SLC16A2: variants seen among roughly 807,000 people sequenced by gnomAD.
The protein encoded by SLC16A2 is monocarboxylate transporter 8.
Under a neutral mutation model 27.2 loss-of-function variants are expected in SLC16A2, and 3 were observed. The ratio of observed to expected loss-of-function variants is 0.11; its 90% CI spans 0.05 to 0.28. The LOEUF (loss-of-function observed/expected upper bound fraction) is 0.28, where lower values mean the gene tolerates loss of function less well. Among genes scored for constraint, SLC16A2 ranks in the 10% least tolerant of loss-of-function variants. The probability of loss-of-function intolerance (pLI) is 1.00; values close to 1 mark genes in which losing one functional copy is unlikely to be tolerated. For synonymous variants in SLC16A2, 202 were observed against 187.8 expected, an observed-to-expected ratio of 1.08 and a Z score of -0.62; for missense variants, 295 against 458.5, an observed-to-expected ratio of 0.64 and a Z score of 3.26.
At chrX:74,488,324 A>C (rs1929760128) in intron 1 of SLC16A2, among the ~76,000 whole-genome samples, 1 of 111,641 alleles carries the variant, frequency 9.0e-6, no homozygotes, top group Non-Finnish European at 1.9e-5. Context: ...GTAATTAATA[A>C]AAGTTATAGG....
intron 1 of SLC16A2, among the ~76,000 whole-genome samples, chrX:74,474,529 G>A (rs1489986705): frequency 7.8e-4 from 84 of 107,890 alleles, no homozygotes; most frequent in Non-Finnish European, 1.3e-3. Context: ...TGCACAACGT[G>A]CAGGTTTGTT....
Position 74,468,981 on chromosome X carries a change from A to G in SLC16A2, c.430+46914A>G. Reference sequence around the variant, plus strand: ...AACCCTTCTTTATCCCCCACTCCCCATTACCCTTCCCAGCCTCTGGTAACC... The same window carrying G: ...AACCCTTCTTTATCCCCCACTCCCCGTTACCCTTCCCAGCCTCTGGTAACC... On this transcript the variant is annotated intron_variant, in intron 1 of 5. Coordinates refer to ENST00000587091, the MANE Select transcript of SLC16A2 (RefSeq NM_006517.5). Among the ~76,000 whole-genome samples, 3 of 111,099 alleles carry G rather than the reference A, an allele frequency of 2.7e-5. 1 individual carries two copies. Among genetic ancestry groups the G allele is most frequent in the Non-Finnish European group, 5.7e-5 (3 of 52,937 alleles).
At chrX:74,480,431 T>A (rs1929591921) in intron 1 of SLC16A2, among the ~76,000 whole-genome samples, 1 of 112,802 alleles carries the variant, frequency 8.9e-6, no homozygotes, top group Non-Finnish European at 1.9e-5. Context: ...TTGCACTTCT[T>A]GCATGAGGCA....
chrX:74,450,853 T>C (rs1439102837), intron 1 of SLC16A2, among the ~76,000 whole-genome samples: 1 of 111,998 alleles, frequency 8.9e-6, no homozygotes, highest in East Asian at 2.8e-4. Context: ...GGAGTCCTGG[T>C]CATTGCAGAA....
intron 1 of SLC16A2, among the ~76,000 whole-genome samples, chrX:74,494,247 G>A (rs973645426): frequency 2.0e-4 from 22 of 111,974 alleles, no homozygotes; most frequent in Admixed American, 9.5e-5. Context: ...ACTGCTCCAC[G>A]CTTCTCTATT....
At chrX:74,475,405 A>G (rs551828515) in intron 1 of SLC16A2, among the ~76,000 whole-genome samples, 1 of 107,612 alleles carries the variant, frequency 9.3e-6, no homozygotes, top group Admixed American at 1.0e-4. Context: ...AGTAGGTTGC[A>G]AAAATTTTCT....
intron 1 of SLC16A2, chrX:74,477,125 G>C (rs1384250333): frequency 9.0e-6 from 1 of 111,502 alleles, no homozygotes; most frequent in Non-Finnish European, 1.9e-5. Context: ...TTTTTTGGTT[G>C]GTAAGCTATT....
chrX:74,447,557 C>A (rs1342750533), intron 1 of SLC16A2, among the ~76,000 whole-genome samples: 1 of 110,323 alleles, frequency 9.1e-6, no homozygotes, highest in East Asian at 2.8e-4. Context: ...ACACTGTAGT[C>A]CTAGCTACTC....
At chrX:74,436,325 T>C (rs1472392618) in intron 1 of SLC16A2, among the ~76,000 whole-genome samples, 2 of 111,781 alleles carry the variant, frequency 1.8e-5, no homozygotes, top group East Asian at 2.8e-4. Context: ...TAATCTCCAC[T>C]TTAAGATCAC....
chrX:74,522,386 C>T (rs967362049), intron 2 of SLC16A2, among the ~76,000 whole-genome samples: 3 of 111,677 alleles, frequency 2.7e-5, no homozygotes, highest in African/African-American at 9.8e-5. Context: ...TGGCTTCGTC[C>T]TGTCCAACTG....
intron 1 of SLC16A2, among the ~76,000 whole-genome samples, chrX:74,427,903 A>T (rs898437131): frequency 7.2e-5 from 8 of 110,501 alleles, no homozygotes; most frequent in African/African-American, 2.6e-4. Context: ...GTCATTTCCC[A>T]TCTGTTCATG....
Position 74,533,587 on chromosome X carries a change from G to A in SLC16A2, c.*2034G>A, listed in dbSNP as rs1256684479. ...TAGGACCTCTTTTGTTGCTTAAGAT[G>A]CAGATGGCTCTTAAGAATCAGGCAG... On this transcript the variant is annotated 3_prime_UTR_variant, in exon 6 of 6. Transcript: ENST00000587091. 1 of 112,650 alleles carries A rather than the reference G, an allele frequency of 8.9e-6. No individual in the cohort carries two copies. The highest frequency in any genetic ancestry group is 3.2e-5 in the African/African-American group (1 of 30,870). The allele number at this position is 112,650 out of a possible 1,213,427, so 9.3% of individuals were successfully genotyped here. A position where few individuals can be genotyped will look rare whatever the true frequency, so the allele number is the denominator to read the frequency against.
intron 1 of SLC16A2, among the ~76,000 whole-genome samples, chrX:74,513,140 A>C (rs1454249932): frequency 8.9e-6 from 1 of 112,240 alleles, no homozygotes; most frequent in Non-Finnish European, 1.9e-5. Context: ...TCTGTTGAAC[A>C]CAAAATTTAT....
At chrX:74,496,291 C>G (rs2147861461) in intron 1 of SLC16A2, among the ~76,000 whole-genome samples, 1 of 107,378 alleles carries the variant, frequency 9.3e-6, no homozygotes, top group East Asian at 2.8e-4. Context: ...CACACACACA[C>G]ACACCCCACA....
intron 1 of SLC16A2, among the ~76,000 whole-genome samples, chrX:74,454,621 A>G (rs1929009075): frequency 9.2e-6 from 1 of 108,365 alleles, no homozygotes; most frequent in East Asian, 2.9e-4. Context: ...AGATATACCT[A>G]ATGTTAAATG....
chrX:74,516,141 G>A (rs1049822137), intron 1 of SLC16A2, among the ~76,000 whole-genome samples: 1 of 110,874 alleles, frequency 9.0e-6, no homozygotes, highest in African/African-American at 3.3e-5. Flanking sequence ...CACTGCAGCA[G>A]CCTCAACCTC....
intron 5 of SLC16A2, among the ~76,000 whole-genome samples, chrX:74,529,848 C>T (rs1930540099): frequency 9.3e-6 from 1 of 107,341 alleles, no homozygotes. Context: ...TTTATTAAAA[C>T]CTAGGGACAT....
chrX:74,520,494 C>T (rs1035609686), intron 1 of SLC16A2, among the ~76,000 whole-genome samples: 23 of 111,546 alleles, frequency 2.1e-4, no homozygotes, highest in African/African-American at 6.5e-4. Flanking sequence ...GCTCTGATGA[C>T]GGATTTCAGC....
At chrX:74,504,489 G>T (rs1930090813) in intron 1 of SLC16A2, among the ~76,000 whole-genome samples, 1 of 111,893 alleles carries the variant, frequency 8.9e-6, no homozygotes, top group African/African-American at 3.2e-5. Flanking sequence ...GAGGGCCTGG[G>T]ACATGTGCTC....
Sources: allele counts gnomAD v4.1 joint callset (sites outside exome capture counted in the v4.1 genomes callset), GRCh38; gene constraint gnomAD v4.1.1; transcripts MANE v1.5; gene names NCBI Gene and HGNC (gene_info 2026-07-23, HGNC 2026-07-21).